The following CNKSR2 variants were observed in gnomAD, a reference collection of about 807,000 sequenced individuals.
The protein encoded by CNKSR2 is connector enhancer of kinase suppressor of Ras 2.
A neutral mutation model predicts 84.4 loss-of-function variants in CNKSR2; 14 were observed. The ratio of observed to expected loss-of-function variants is 0.17; its 90% CI spans 0.11 to 0.26. CNKSR2 has a LOEUF of 0.26. CNKSR2 is among the 10% of genes least tolerant of loss of function. The pLI, the probability that CNKSR2 is intolerant of heterozygous loss-of-function variation, is 1.00. For synonymous variants in CNKSR2, 275 were observed against 277.9 expected, an observed-to-expected ratio of 0.99 and a Z score of 0.10; for missense variants, 485 against 771.2, an observed-to-expected ratio of 0.63 and a Z score of 4.40.
chrX:21,528,416 T>C (rs1363128976), intron 10 of CNKSR2, among the ~76,000 whole-genome samples: 1 of 111,595 alleles, frequency 9.0e-6, no homozygotes, highest in African/African-American at 3.2e-5. Flanking sequence ...TAAAAGATTA[T>C]TTTTATCAAA....
At chrX:21,615,060 G>A (rs1308926784) in intron 20 of CNKSR2, among the ~76,000 whole-genome samples, 1 of 112,123 alleles carries the variant, frequency 8.9e-6, no homozygotes, top group Non-Finnish European at 1.9e-5. Flanking sequence ...GAACAGTTTA[G>A]ACTAACCTTG....
chrX:21,501,019 A>C (rs1010419442), intron 7 of CNKSR2, among the ~76,000 whole-genome samples: 7 of 111,660 alleles, frequency 6.3e-5, no homozygotes, highest in African/African-American at 2.3e-4. Flanking sequence ...TTTGATGCTG[A>C]TCATATTCAT....
intron 4 of CNKSR2, among the ~76,000 whole-genome samples, chrX:21,456,232 G>A (rs1455977735): frequency 9.0e-6 from 1 of 111,187 alleles, no homozygotes; most frequent in Non-Finnish European, 1.9e-5. Context: ...TGAGGTAAGA[G>A]CACTTGAAAT....
chrX:21,594,352 A>C (rs1255383467), intron 15 of CNKSR2: 2 of 111,476 alleles, frequency 1.8e-5, no homozygotes, highest in African/African-American at 6.5e-5. Flanking sequence ...AGGAGCAGAA[A>C]GAATAACTAT....
At chrX:21,566,580 G>A (rs960505759) in intron 13 of CNKSR2, among the ~76,000 whole-genome samples, 2 of 111,750 alleles carry the variant, frequency 1.8e-5, no homozygotes, top group Admixed American at 9.5e-5. Flanking sequence ...TATGAAGATT[G>A]AGTATTGCAT....
chrX:21,641,806 G>A, intron 20 of CNKSR2: 1 of 984,727 alleles, frequency 1.0e-6, no homozygotes, highest in Non-Finnish European at 1.3e-6. Context: ...AGAGGGGCAG[G>A]CCACTCTTAA....
At chrX:21,425,134 G>C (rs992778259) in intron 1 of CNKSR2, 1 of 111,486 alleles carries the variant, frequency 9.0e-6, no homozygotes, top group African/African-American at 3.3e-5. Context: ...ATATTCTCTA[G>C]ATATCCTCTT....
intron 11 of CNKSR2, among the ~76,000 whole-genome samples, chrX:21,555,194 G>T (rs2092128853): frequency 9.1e-6 from 1 of 109,850 alleles, no homozygotes; most frequent in South Asian, 3.8e-4. Context: ...TTTTTTTATG[G>T]GGTTATTTTG....
rs113101703 is a variant in CNKSR2 at position 21,445,148 on chromosome X, G to A, written c.519+4367G>A. On this transcript the variant is annotated intron_variant, in intron 4 of 21. Transcript: ENST00000379510. ...TAAACCTTCCTGAATCAGACATTCT[G>A]GGTGACCTGAAAATTATATTGGGGC... 1.0e-2 allele frequency among the ~76,000 whole-genome samples: 1,108 copies of A among 111,244 alleles called. 14 individuals carry two copies. The highest frequency in any genetic ancestry group is 0.033 in the African/African-American group (1,010 of 30,737).
intron 5 of CNKSR2, among the ~76,000 whole-genome samples, chrX:21,487,494 A>C (rs1303572278): frequency 8.9e-6 from 1 of 111,763 alleles, no homozygotes; most frequent in Non-Finnish European, 1.9e-5. Context: ...ATATGCTTCA[A>C]TTTGTAGAAA....
At chrX:21,471,405 G>A (rs926067204) in intron 5 of CNKSR2, among the ~76,000 whole-genome samples, 1 of 111,866 alleles carries the variant, frequency 8.9e-6, no homozygotes, top group African/African-American at 3.2e-5. Flanking sequence ...CTTGATCAAT[G>A]CTAGTTTGTC....
At chrX:21,449,004 A>G (rs904382871) in intron 4 of CNKSR2, among the ~76,000 whole-genome samples, 1 of 111,991 alleles carries the variant, frequency 8.9e-6, no homozygotes, top group African/African-American at 3.2e-5. Context: ...GTCAAAATTT[A>G]TCTGTTAAAA....
intron 17 of CNKSR2, among the ~76,000 whole-genome samples, chrX:21,597,188 C>T (rs918558432): frequency 8.9e-6 from 1 of 111,802 alleles, no homozygotes; most frequent in Non-Finnish European, 1.9e-5. Flanking sequence ...TTTCAAAGTG[C>T]ATTTTATGAA....
chrX:21,416,667 GT>G lies in CNKSR2; in HGVS notation c.65-9825del, dbSNP rs994955633. On this transcript the variant is annotated intron_variant, in intron 1 of 21. Coordinates refer to ENST00000379510, the MANE Select transcript of CNKSR2 (RefSeq NM_014927.5). Reference sequence around the variant, plus strand: ...CTTTATGGTTCAATCTTGGTAGGTTGTTTTTGTCTAGAAATTTGCTCATTTC... The same window carrying G: ...CTTTATGGTTCAATCTTGGTAGGTTGTTTTGTCTAGAAATTTGCTCATTTC... Among the ~76,000 whole-genome samples the G allele has an allele frequency of 6.6e-4, 73 of 111,139 alleles. 1 individual carries two copies. The highest frequency in any genetic ancestry group is 1.8e-3 in the African/African-American group (56 of 30,630).
chrX:21,375,647 T>C (rs1601707301), intron 1 of CNKSR2, among the ~76,000 whole-genome samples: 1 of 112,234 alleles, frequency 8.9e-6, no homozygotes, highest in East Asian at 2.8e-4. Flanking sequence ...TTCTCTGCTT[T>C]CTCCCTTTCA....
At chrX:21,419,237 G>A (rs1416768814) in intron 1 of CNKSR2, among the ~76,000 whole-genome samples, 1 of 110,331 alleles carries the variant, frequency 9.1e-6, no homozygotes, top group African/African-American at 3.3e-5. Context: ...ATTTCTGCTT[G>A]ATTCTTTTAG....
chrX:21,408,098 TAGAA>T (rs1185929562), intron 1 of CNKSR2, among the ~76,000 whole-genome samples: 1 of 112,079 alleles, frequency 8.9e-6, no homozygotes, highest in Non-Finnish European at 1.9e-5. Context: ...GCATTTTAAA[TAGAA>T]AGATAATATT....
intron 11 of CNKSR2, among the ~76,000 whole-genome samples, chrX:21,554,380 C>T (rs902741487): frequency 3.6e-5 from 4 of 111,407 alleles, no homozygotes; most frequent in African/African-American, 9.8e-5. Context: ...GGGATTGTTA[C>T]ATAGGTAAAC....
chrX:21,573,074 C>G (rs1216763501), intron 13 of CNKSR2, among the ~76,000 whole-genome samples: 1 of 111,955 alleles, frequency 8.9e-6, no homozygotes, highest in African/African-American at 3.3e-5. Context: ...TTGGCCAAAA[C>G]AAAGGGGCAA....
Sources: allele counts gnomAD v4.1 joint callset (sites outside exome capture counted in the v4.1 genomes callset), GRCh38; gene constraint gnomAD v4.1.1; transcripts MANE v1.5; gene names NCBI Gene and HGNC (gene_info 2026-07-23, HGNC 2026-07-21).